PTN: variants seen among roughly 807,000 people sequenced by gnomAD.
PTN encodes pleiotrophin.
PTN carries 18 observed loss-of-function variants against 24.1 expected under a neutral mutation model. That is an observed-to-expected ratio of 0.75 (90% CI 0.52 to 1.11). PTN has a LOEUF of 1.11. Ranked by LOEUF, PTN falls within the 50% of genes least tolerant of loss-of-function variation. The probability of loss-of-function intolerance (pLI) is 0.00; values close to 1 mark genes in which losing one functional copy is unlikely to be tolerated. For missense variants in PTN, 163 were observed against 198.8 expected (o/e 0.82, Z 1.08); for synonymous variants, 78 against 68.6 (o/e 1.14, Z -0.67).
chr7:137,274,140 A>C, intron 1 of PTN, among the ~76,000 whole-genome samples: 1 of 152,222 alleles, frequency 6.6e-6, no homozygotes. Context: ...CAAGGGTTGC[A>C]GCAAGGCATT....
At chr7:137,334,953 A>C (rs1361802899) in intron 1 of PTN, among the ~76,000 whole-genome samples, 1 of 149,962 alleles carries the variant, frequency 6.7e-6, no homozygotes, top group Non-Finnish European at 1.5e-5. Context: ...ACAAAAAACC[A>C]AACACTACAT....
chr7:137,306,244 A>G (rs752147283), intron 1 of PTN, among the ~76,000 whole-genome samples: 37 of 152,086 alleles, frequency 2.4e-4, no homozygotes, highest in Non-Finnish European at 1.8e-4. Context: ...GTCATTATTC[A>G]CCCATTATTA....
At chr7:137,235,171 G>T (rs1030515405) in intron 4 of PTN, among the ~76,000 whole-genome samples, 2 of 151,934 alleles carry the variant, frequency 1.3e-5, no homozygotes, top group Non-Finnish European at 2.9e-5. Context: ...CAGTACCATC[G>T]CAACGTAAAT....
chr7:137,321,463 G>A (rs1444540615), intron 1 of PTN, among the ~76,000 whole-genome samples: 3 of 152,112 alleles, frequency 2.0e-5, no homozygotes, highest in African/African-American at 7.2e-5. Context: ...ATGCTCATGT[G>A]TTAATTGCAA....
chr7:137,331,921 T>C (rs1272855209), intron 1 of PTN, among the ~76,000 whole-genome samples: 1 of 152,230 alleles, frequency 6.6e-6, no homozygotes, highest in African/African-American at 2.4e-5. Flanking sequence ...GGACAAAGAC[T>C]TTTATTTGTT....
At chr7:137,269,003 C>A (rs946673750) in intron 1 of PTN, among the ~76,000 whole-genome samples, 2 of 152,168 alleles carry the variant, frequency 1.3e-5, no homozygotes, top group African/African-American at 4.8e-5. Flanking sequence ...GTTTCTTGAG[C>A]ATATTCAGAA....
chr7:137,332,865 A>T (rs907571624), intron 1 of PTN, among the ~76,000 whole-genome samples: 3 of 152,132 alleles, frequency 2.0e-5, no homozygotes, highest in Admixed American at 6.6e-5. Flanking sequence ...GGGCACAATG[A>T]CCCCACGGCT....
At chr7:137,292,909 A>AG (rs1170557957) in intron 1 of PTN, among the ~76,000 whole-genome samples, 2 of 152,192 alleles carry the variant, frequency 1.3e-5, no homozygotes, top group African/African-American at 2.4e-5. Context: ...AGGAAAAAAA[A>AG]GTAATCAAAA....
chr7:137,292,396 T>A (rs1178462104), intron 1 of PTN, among the ~76,000 whole-genome samples: 2 of 151,344 alleles, frequency 1.3e-5, no homozygotes, highest in Non-Finnish European at 2.9e-5. Flanking sequence ...TGGGGAAGGG[T>A]TTTTCCTGTA....
chr7:137,278,276 C>T (rs1809401477), intron 1 of PTN, among the ~76,000 whole-genome samples: 1 of 119,450 alleles, frequency 8.4e-6, no homozygotes, highest in Non-Finnish European at 1.6e-5. Context: ...CACTGCACTC[C>T]AGCCTGGGCG....
Position 137,343,505 on chromosome 7 carries a change from C to A in PTN, c.-68G>T. The A allele has an allele frequency of 1.9e-6, 1 of 518,946 alleles. No homozygotes were observed. Among genetic ancestry groups the A allele is most frequent in the East Asian group, 5.5e-5 (1 of 18,310 alleles). The allele number at this position is 518,946 out of a possible 1,614,324, so 32.1% of individuals were successfully genotyped here. Reference sequence around the variant, plus strand: ...GTTGCAAGGGGCGAGGTTGCTACCGCTGAGTCCAGGTACCCGGCTCGCTGC... The same window carrying A: ...GTTGCAAGGGGCGAGGTTGCTACCGATGAGTCCAGGTACCCGGCTCGCTGC... On this transcript the variant is annotated 5_prime_UTR_variant, in exon 1 of 5. Coordinates refer to ENST00000348225, the MANE Select transcript of PTN (RefSeq NM_002825.7).
At chr7:137,312,578 AT>A (rs1043696101) in intron 1 of PTN, among the ~76,000 whole-genome samples, 3 of 152,014 alleles carry the variant, frequency 2.0e-5, no homozygotes, top group African/African-American at 4.8e-5. Flanking sequence ...TTGCCATTTA[AT>A]TTTTTTTCTT....
At chr7:137,340,080 T>C (rs966052746) in intron 1 of PTN, among the ~76,000 whole-genome samples, 4 of 152,156 alleles carry the variant, frequency 2.6e-5, no homozygotes, top group Non-Finnish European at 4.4e-5. Context: ...AGATATCACT[T>C]TATCTCAACC....
chr7:137,263,072 T>A (rs1344151947), intron 1 of PTN, among the ~76,000 whole-genome samples: 2 of 152,234 alleles, frequency 1.3e-5, no homozygotes, highest in East Asian at 1.9e-4. Context: ...CATCTTCTTG[T>A]GCAATAGATT....
At chr7:137,256,859 T>C (rs776616023) in intron 1 of PTN, among the ~76,000 whole-genome samples, 2 of 152,224 alleles carry the variant, frequency 1.3e-5, no homozygotes, top group South Asian at 2.1e-4. Flanking sequence ...GCAAAGGATA[T>C]GACAGACACT....
At chr7:137,320,046 A>C (rs560941712) in intron 1 of PTN, among the ~76,000 whole-genome samples, 8 of 152,354 alleles carry the variant, frequency 5.3e-5, no homozygotes, top group African/African-American at 1.9e-4. Context: ...TCTAGCTCCA[A>C]AATTCCCTTG....
At chr7:137,285,903 A>T (rs1809546422) in intron 1 of PTN, among the ~76,000 whole-genome samples, 1 of 152,252 alleles carries the variant, frequency 6.6e-6, no homozygotes, top group Admixed American at 6.5e-5. Context: ...AAACAATAGC[A>T]TGTGGCTGAT....
At chr7:137,232,592 C>T (rs1301360436) in intron 4 of PTN, among the ~76,000 whole-genome samples, 1 of 151,876 alleles carries the variant, frequency 6.6e-6, no homozygotes, top group Non-Finnish European at 1.5e-5. Context: ...ATCCAAAGGG[C>T]CATGTTCACC....
chr7:137,241,438 G>T (rs1434965309), intron 4 of PTN, among the ~76,000 whole-genome samples: 1 of 152,128 alleles, frequency 6.6e-6, no homozygotes, highest in African/African-American at 2.4e-5. Context: ...AATCACTTTT[G>T]TTGTAATCAC....
Sources: allele counts gnomAD v4.1 joint callset (sites outside exome capture counted in the v4.1 genomes callset), GRCh38; gene constraint gnomAD v4.1.1; transcripts MANE v1.5; gene names NCBI Gene and HGNC (gene_info 2026-07-23, HGNC 2026-07-21).